Variants in LIN7A observed in about 807,000 individuals in gnomAD.
LIN7A encodes the protein lin-7 cell polarity scaffold A, also known as protein lin-7 homolog A.
In LIN7A, 25 loss-of-function variants were observed where a neutral mutation model predicts 29.8. The observed-to-expected ratio is 0.84, with a 90% CI of 0.61 to 1.17. The LOEUF (loss-of-function observed/expected upper bound fraction) is 1.17. Among genes scored for constraint, LIN7A ranks in the 50% most tolerant of loss-of-function variants. The pLI, the probability that LIN7A is intolerant of heterozygous loss-of-function variation, is 0.00. For synonymous variants in LIN7A, 118 were observed against 107.5 expected (o/e 1.10, Z -0.60); for missense variants, 239 against 287.0 (o/e 0.83, Z 1.21).
rs763863477 is a variant in LIN7A, at chr12:80,845,701, GA to G, written c.483+28del. On this transcript the variant is annotated intron_variant, in intron 4 of 5. Transcript: ENST00000552864. ...CAAAAAAAAAGAATGTGCTTAAGGA[GA>G]AAATCTCTGGTTATTTTATAAACAT... 33 of 1,572,276 alleles carry G rather than the reference GA, an allele frequency of 2.1e-5. No individual in the cohort carries two copies. In the South Asian group the frequency reaches 2.3e-4, roughly 11 times the overall value.
chr12:80,872,139 A>G (rs1874456981), intron 2 of LIN7A, among the ~76,000 whole-genome samples: 1 of 152,048 alleles, frequency 6.6e-6, no homozygotes, highest in Non-Finnish European at 1.5e-5. Flanking sequence ...AACAATAATC[A>G]TTTCCATTTA....
At chr12:80,869,866 G>A (rs1316462466) in intron 2 of LIN7A, among the ~76,000 whole-genome samples, 1 of 151,814 alleles carries the variant, frequency 6.6e-6, no homozygotes, top group African/African-American at 2.4e-5. Context: ...TACCCTAACA[G>A]TGTTGCATGG....
chr12:80,824,274 A>G (rs1190476696), intron 4 of LIN7A, among the ~76,000 whole-genome samples: 1 of 152,168 alleles, frequency 6.6e-6, no homozygotes, highest in Non-Finnish European at 1.5e-5. Context: ...GAGGAGATGG[A>G]TAAATTCCTG....
At chr12:80,822,961 C>A (rs1871883296) in intron 4 of LIN7A, among the ~76,000 whole-genome samples, 1 of 152,124 alleles carries the variant, frequency 6.6e-6, no homozygotes, top group South Asian at 2.1e-4. Context: ...CTTGGTCTGC[C>A]TATGGACCAA....
At chr12:80,878,021 A>G (rs1874806193) in intron 2 of LIN7A, among the ~76,000 whole-genome samples, 1 of 152,244 alleles carries the variant, frequency 6.6e-6, no homozygotes, top group Non-Finnish European at 1.5e-5. Flanking sequence ...ACTACTGTGT[A>G]AGTACATGTA....
At chr12:80,934,565 G>A (rs1334343568) in intron 1 of LIN7A, among the ~76,000 whole-genome samples, 2 of 152,086 alleles carry the variant, frequency 1.3e-5, no homozygotes, top group African/African-American at 4.8e-5. Flanking sequence ...TTTCAAATTT[G>A]GAAAGCAGTA....
intron 1 of LIN7A, chr12:80,935,850 A>C (rs556380620): frequency 2.1e-6 from 1 of 466,658 alleles, no homozygotes; most frequent in African/African-American, 1.9e-5. Context: ...TTAAAAATAA[A>C]TCTTAGTCCG....
intron 1 of LIN7A, among the ~76,000 whole-genome samples, chr12:80,929,073 C>T (rs938387108): frequency 6.6e-6 from 1 of 152,084 alleles, no homozygotes; most frequent in Non-Finnish European, 1.5e-5. Context: ...AATCACACTG[C>T]TCATGATGAA....
intron 1 of LIN7A, among the ~76,000 whole-genome samples, chr12:80,914,882 A>AAC (rs1169443391): frequency 1.3e-5 from 2 of 152,132 alleles, no homozygotes; most frequent in Admixed American, 6.6e-5. Context: ...CTCTACAAAA[A>AAC]ATAAATATTT....
chr12:80,851,952 TAAAA>T (rs1211992088), intron 2 of LIN7A, among the ~76,000 whole-genome samples: 1 of 152,144 alleles, frequency 6.6e-6, no homozygotes, highest in African/African-American at 2.4e-5. Flanking sequence ...AAGATTAACT[TAAAA>T]AAGCAATAAA....
At chr12:80,855,813 C>T (rs1323369598) in intron 2 of LIN7A, among the ~76,000 whole-genome samples, 2 of 152,090 alleles carry the variant, frequency 1.3e-5, no homozygotes, top group African/African-American at 4.8e-5. Context: ...ACAATTTGGT[C>T]TGCTTGTTTT....
intron 2 of LIN7A, among the ~76,000 whole-genome samples, chr12:80,851,977 G>C (rs1042443707): frequency 6.6e-6 from 1 of 152,080 alleles, no homozygotes; most frequent in Non-Finnish European, 1.5e-5. Context: ...ATTATAGTGA[G>C]TTGGTTCAGA....
intron 2 of LIN7A, among the ~76,000 whole-genome samples, chr12:80,855,294 AAGTGTAT>A (rs1169057129): frequency 6.6e-6 from 1 of 152,144 alleles, no homozygotes; most frequent in Non-Finnish European, 1.5e-5. Flanking sequence ...AAGCCTTGTT[AAGTGTAT>A]GGCTTTTCTT....
chr12:80,895,579 T>C (rs1349667271), intron 1 of LIN7A, among the ~76,000 whole-genome samples: 1 of 152,254 alleles, frequency 6.6e-6, no homozygotes, highest in Non-Finnish European at 1.5e-5. Context: ...GCTTGCCATC[T>C]TCTACTACAG....
intron 1 of LIN7A, among the ~76,000 whole-genome samples, chr12:80,911,778 A>G (rs1252898188): frequency 6.6e-6 from 1 of 152,198 alleles, no homozygotes; most frequent in Non-Finnish European, 1.5e-5. Context: ...TATCTTTTGA[A>G]CAAGATAAGA....
intron 4 of LIN7A, among the ~76,000 whole-genome samples, chr12:80,822,025 CAA>C (rs1213532087): frequency 6.6e-6 from 1 of 152,138 alleles, no homozygotes; most frequent in African/African-American, 2.4e-5. Context: ...CTAACGAGCC[CAA>C]AGTATTAGTC....
intron 5 of LIN7A, among the ~76,000 whole-genome samples, chr12:80,805,169 T>G (rs1210734941): frequency 6.6e-6 from 1 of 152,202 alleles, no homozygotes; most frequent in African/African-American, 2.4e-5. Context: ...ACACTAATTG[T>G]TTAATAAGTG....
rs187003736 is a variant in LIN7A at position 80,923,698 on chromosome 12, C to T, written c.82+13943G>A. Among the ~76,000 whole-genome samples, 353 of 152,236 alleles carry T rather than the reference C, an allele frequency of 2.3e-3. 1 individual carries two copies. The highest frequency in any genetic ancestry group is 2.9e-3 in the Non-Finnish European group (195 of 68,004). On this transcript the variant is annotated intron_variant, in intron 1 of 5. Coordinates refer to ENST00000552864, the MANE Select transcript of LIN7A (RefSeq NM_004664.4). Reference sequence around the variant, plus strand: ...GAAGTCTTTGCAAGCACCTGTGCCTCAATTGTTCCTTGCAAGTTCATGTTC... The same window carrying T: ...GAAGTCTTTGCAAGCACCTGTGCCTTAATTGTTCCTTGCAAGTTCATGTTC...
At chr12:80,868,144 T>TTAA (rs1874235150) in intron 2 of LIN7A, among the ~76,000 whole-genome samples, 9 of 152,190 alleles carry the variant, frequency 5.9e-5, no homozygotes, top group Non-Finnish European at 1.2e-4. Flanking sequence ...TTAAGTTGCC[T>TTAA]CCCGCAAGAG....
Sources: gnomAD v4.1 joint callset for allele counts (sites outside exome capture counted in the v4.1 genomes callset) on GRCh38, gnomAD v4.1.1 for gene constraint, MANE v1.5 for transcripts, NCBI Gene and HGNC (gene_info 2026-07-23, HGNC 2026-07-21) for gene names.